The following CASKIN2 variants were observed in gnomAD, a reference collection of about 807,000 sequenced individuals.
CASKIN2 encodes CASK interacting protein 2.
In CASKIN2, 41 loss-of-function variants were observed where a neutral mutation model predicts 107.1. The ratio of observed to expected loss-of-function variants is 0.38; its 90% CI spans 0.30 to 0.50. The LOEUF (loss-of-function observed/expected upper bound fraction) is 0.50, where lower values mean the gene tolerates loss of function less well. CASKIN2 is among the 20% of genes least tolerant of loss of function. The pLI, the probability that CASKIN2 is intolerant of heterozygous loss-of-function variation, is 0.92. For synonymous variants in CASKIN2, 724 were observed against 705.6 expected, an observed-to-expected ratio of 1.03 and a Z score of -0.41; for missense variants, 1,546 against 1,657.4, an observed-to-expected ratio of 0.93 and a Z score of 1.17.
In CASKIN2 at chr17:75,506,211, G is replaced by T; in HGVS notation, c.726+94C>A. The T allele has an allele frequency of 8.9e-7, 1 of 1,117,746 alleles. No homozygotes were observed. The highest frequency in any genetic ancestry group is 1.3e-6 in the Non-Finnish European group (1 of 771,052). 69.2% of individuals were successfully genotyped at this position (1,117,746 alleles called of 1,614,324 possible). ...TTCCTGACGCCCATGCAAAAACCAC[G>T]CTGGAGTCCTCCGTCCCGTACCTCC... On this transcript the variant is annotated intron_variant, in intron 8 of 19. Transcript: ENST00000321617. This position sits in a 1 kb window ranked among gnomAD's most constrained non-coding sequence, Gnocchi z 4.8.
chr17:75,512,733 C>T (rs1194056117), intron 2 of CASKIN2, among the ~76,000 whole-genome samples: 1 of 151,940 alleles, frequency 6.6e-6, no homozygotes, highest in Non-Finnish European at 1.5e-5. Context: ...GATGGTGAAA[C>T]CCCGTCTCTA....
chr17:75,502,455 G>T lies in CASKIN2; in HGVS notation c.2619C>A (p.Pro873=). Residue 873 remains proline, a synonymous_variant, in exon 18 of 20, where the codon CCC becomes CCA. Transcript: ENST00000321617. This position sits in a 1 kb window ranked among gnomAD's most constrained non-coding sequence, Gnocchi z 4.3. ...ARRKGPPPPP[P]KRLSSVSGPS... ...GGCCAGAGACGGAGCTGAGGCGCTTGGGGGGCGGGGGCGGGGGGCCTTTGC... is the reference window on the plus strand; with the variant it reads ...GGCCAGAGACGGAGCTGAGGCGCTTTGGGGGCGGGGGCGGGGGGCCTTTGC... 2 of 1,445,118 alleles carry T rather than the reference G, an allele frequency of 1.4e-6. No individual in the cohort carries two copies. The highest frequency in any genetic ancestry group is 1.8e-6 in the Non-Finnish European group (2 of 1,094,630). 89.5% of individuals were successfully genotyped at this position (1,445,118 alleles called of 1,614,324 possible). A position where few individuals can be genotyped will look rare whatever the true frequency, so the allele number is the denominator to read the frequency against.
In CASKIN2 at chr17:75,503,163, G is replaced by C; in HGVS notation, c.1911C>G (p.Arg637=). 6.2e-7 allele frequency: 1 copy of C among 1,603,270 alleles called. No individual in the cohort carries two copies. Among genetic ancestry groups the C allele is most frequent in the Non-Finnish European group, 8.5e-7 (1 of 1,176,962 alleles). The change falls in exon 18 of 20, where the codon CGC becomes CGG. Residue 637 remains arginine, a synonymous_variant. Coordinates refer to ENST00000321617, the MANE Select transcript of CASKIN2 (RefSeq NM_020753.5). The part of the protein sequence containing the change: ...LQGEALSEGG[R]RLAKGPELMA... ...TCAGCTCCGGACCCTTGGCCAGCCG[G>C]CGCCCGCCTTCGCTGAGGGCCTCCC...
Position 75,502,203 on chromosome 17 carries a change from G to A in CASKIN2, c.2871C>T (p.Asn957=), listed in dbSNP as rs916678318. The change falls in exon 18 of 20, where the codon AAC becomes AAT. Residue 957 remains asparagine (N), a synonymous_variant. Transcript: ENST00000321617. The surrounding 1 kb of genome is among the most constrained non-coding windows in gnomAD (Gnocchi z 4.3). ...GCTTCGGGCGCTGTTTGATGGTCAGGTTCCCTTCCTCTGCAAACGGCAGCC... is the reference window on the plus strand; with the variant it reads ...GCTTCGGGCGCTGTTTGATGGTCAGATTCCCTTCCTCTGCAAACGGCAGCC... The part of the protein sequence containing the change: ...GEGLPFAEEG[N]LTIKQRPKPA... 6.3e-7 allele frequency: 1 copy of A among 1,598,058 alleles called. No homozygotes were observed. Among genetic ancestry groups the A allele is most frequent in the South Asian group, 1.1e-5 (1 of 90,624 alleles).
At chr17:75,513,497 G>A (rs1258423199) in intron 2 of CASKIN2, among the ~76,000 whole-genome samples, 3 of 152,136 alleles carry the variant, frequency 2.0e-5, no homozygotes, top group Non-Finnish European at 2.9e-5. Flanking sequence ...CCAGGAAACT[G>A]CAGCCCAGAG....
intron 19 of CASKIN2, 63 bp from the exon 20 acceptor site, chr17:75,501,233 C>T: frequency 2.8e-6 from 4 of 1,451,098 alleles, no homozygotes; most frequent in Non-Finnish European, 3.7e-6. Context: ...GGCCCTGGGG[C>T]AGGGAGCTGT....
Position 75,513,823 on chromosome 17 carries a change from C to G in CASKIN2, c.-19G>C. The G allele has an allele frequency of 6.5e-7, 1 of 1,535,660 alleles. No individual in the cohort carries two copies. Among genetic ancestry groups the G allele is most frequent in the Admixed American group, 1.8e-5 (1 of 54,778 alleles). On this transcript the variant is annotated 5_prime_UTR_variant, in exon 2 of 20. Transcript: ENST00000321617. ...GACCCATACTGGCTCCTGGGCTGAG[C>G]TCTACACTCAGGAGTCCAGGGCAAA...
Position 75,501,427 on chromosome 17 carries a change from T to C in CASKIN2, c.3518+41A>G, listed in dbSNP as rs551491948. ...GGCAGAGGATGCAGGGAGCACTGTT[T>C]CTCTGCAGCCTTCTCTCCCTCCCCA... On this transcript the variant is annotated intron_variant, in intron 19 of 19. Transcript: ENST00000321617. 2.8e-5 allele frequency: 44 copies of C among 1,573,860 alleles called. 1 individual carries two copies. In the South Asian group the frequency reaches 5.0e-4, roughly 18 times the overall value.
rs1198139366 is a variant in CASKIN2 at position 75,504,847 on chromosome 17, T to C, written c.1157A>G (p.Gln386Arg). 5 of 1,555,990 alleles carry C rather than the reference T, an allele frequency of 3.2e-6. No individual in the cohort carries two copies. The highest frequency in any genetic ancestry group is 2.5e-5 in the East Asian group (1 of 39,642). Residue 386 changes from glutamine to arginine, a missense_variant, in exon 11 of 20, where the codon CAG becomes CGG. Transcript: ENST00000321617. ...TGGGCTGAGGCCCACCCGAGGAAGC[T>C]GGCTGTAGGTAAGAGGGTGCGGGGG... ...EEPPHPLTYSQLPRVGLSPDS... is the reference protein window; with the variant it reads ...EEPPHPLTYSRLPRVGLSPDS...
Position 75,503,880 on chromosome 17 carries a change from A to T in CASKIN2, c.1550T>A (p.Val517Glu). The T allele has an allele frequency of 6.2e-7, 1 of 1,612,580 alleles. No homozygotes were observed. Among genetic ancestry groups the T allele is most frequent in the Non-Finnish European group, 8.5e-7 (1 of 1,179,868 alleles). ...TAHFLQAGYDVPTISRMTPED... is the reference protein window; with the variant it reads ...TAHFLQAGYDEPTISRMTPED... Reference sequence around the variant, plus strand: ...AGGTGTCATGCGGCTGATGGTAGGCACATCATAGCCGGCCTGCAGAAAGTG... The same window carrying T: ...AGGTGTCATGCGGCTGATGGTAGGCTCATCATAGCCGGCCTGCAGAAAGTG... Residue 517 changes from valine to glutamate, a missense_variant, in exon 15 of 20, where the codon GTG (valine) becomes GAG (glutamate). Physicochemically the swap from Val to Glu is moderately radical, Grantham distance 121. This residue lies in a region of CASKIN2 where 1,311 missense variants were observed against 1,311.0 expected (regional missense o/e 1.00). Transcript: ENST00000321617.
chr17:75,513,545 G>A (rs1374854314), intron 2 of CASKIN2, among the ~76,000 whole-genome samples, 166 bp downstream of exon 2: 1 of 152,118 alleles, frequency 6.6e-6, no homozygotes, highest in East Asian at 1.9e-4. Flanking sequence ...CAGCAAGGGG[G>A]ACCCAACTTT....
rs765945798 is a variant in CASKIN2, at chr17:75,503,692, G to A, written c.1647C>T (p.Leu549=). The change falls in exon 16 of 20, where the codon CTC becomes CTT. Residue 549 remains leucine, a synonymous_variant. Coordinates refer to ENST00000321617, the MANE Select transcript of CASKIN2 (RefSeq NM_020753.5). ...AGCTGGGCAGCCACTCGGCGATGCT[G>A]AGCTGAGCGATCTCTGAGGCGATCT... ...RKKIASEIAQ[L]SIAEWLPSYI... 34 of 1,612,306 alleles carry A rather than the reference G, an allele frequency of 2.1e-5. No individual in the cohort carries two copies. The highest frequency in any genetic ancestry group is 2.9e-5 in the Non-Finnish European group (34 of 1,180,008).
rs1248756529 is a variant in CASKIN2, at chr17:75,506,489, G to A, written c.618-76C>T. 1.3e-6 allele frequency: 2 copies of A among 1,589,274 alleles called. No individual in the cohort carries two copies. Among genetic ancestry groups the A allele is most frequent in the Non-Finnish European group, 1.7e-6 (2 of 1,165,682 alleles). The stretch of plus-strand genomic sequence containing the variant: ...GACTGCTGGGGGCCTGGGAGATGGA[G>A]AGCCCGGGTGAAAAGGGCAGTGGGG... On this transcript the variant is annotated intron_variant, in intron 7 of 19. Coordinates refer to ENST00000321617, the MANE Select transcript of CASKIN2 (RefSeq NM_020753.5). The surrounding 1 kb of genome is among the most constrained non-coding windows in gnomAD (Gnocchi z 4.8).
At chr17:75,501,242 G>A in intron 19 of CASKIN2, 72 bp from the exon 20 acceptor site, 1 of 1,387,464 alleles carries the variant, frequency 7.2e-7, no homozygotes. Flanking sequence ...GCAGGGAGCT[G>A]TCATAGCTCC....
chr17:75,504,279 T>C lies in CASKIN2; in HGVS notation c.1403A>G (p.Asn468Ser). 6 of 1,607,668 alleles carry C rather than the reference T, an allele frequency of 3.7e-6. No homozygotes were observed. In the South Asian group the frequency reaches 6.7e-5, roughly 18 times the overall value. Reference sequence around the variant, plus strand: ...GAAGATCTGCTCCCCAGAGCGGCAGTTGGCCAGAGGGCGGTGGCTCAGGTT... The same window carrying C: ...GAAGATCTGCTCCCCAGAGCGGCAGCTGGCCAGAGGGCGGTGGCTCAGGTT... The part of the protein sequence containing the change: ...ADNLSHRPLA[N>S]CRSGEQIFTQ... Residue 468 changes from asparagine (N) to serine (S), a missense_variant, in exon 14 of 20, where the codon AAC (asparagine) becomes AGC (serine). Physicochemically the swap from Asn to Ser is conservative, Grantham distance 46. Around this residue, in one of 6 missense-constraint regions of CASKIN2, gnomAD observed 1,311 missense variants for 1,311.0 expected, o/e 1.00. Transcript: ENST00000321617.
At position 75,502,481 on chromosome 17, in the gene CASKIN2, G is replaced by T. The variant is rs755968131; in HGVS notation, c.2593C>A (p.Arg865Ser). ...RSQSFALRAR[R>S]KGPPPPPPKR... is the part of the protein sequence containing the mutation. The stretch of plus-strand genomic sequence containing the variant: ...GGGGGCGGGGGCGGGGGGCCTTTGC[G>T]CCGGGCCCGCAGGGCAAAGGACTGG... Residue 865 changes from arginine (R) to serine (S), a missense_variant, in exon 18 of 20, where the codon CGC (arginine) becomes AGC (serine). Arg to Ser is a moderately radical substitution (Grantham distance 110, BLOSUM62 -1). Around this residue, in one of 6 missense-constraint regions of CASKIN2, gnomAD observed 1,311 missense variants for 1,311.0 expected, o/e 1.00. Coordinates refer to ENST00000321617, the MANE Select transcript of CASKIN2 (RefSeq NM_020753.5). The surrounding 1 kb of genome is among the most constrained non-coding windows in gnomAD (Gnocchi z 4.3). 6.9e-7 allele frequency: 1 copy of T among 1,451,086 alleles called. No homozygotes were observed. Among genetic ancestry groups the T allele is most frequent in the Non-Finnish European group, 9.1e-7 (1 of 1,097,714 alleles). 89.9% of individuals were successfully genotyped at this position (1,451,086 alleles called of 1,614,324 possible).
chr17:75,511,948 T>G (rs1448770873), intron 2 of CASKIN2, among the ~76,000 whole-genome samples: 1 of 152,046 alleles, frequency 6.6e-6, no homozygotes, highest in Admixed American at 6.5e-5. Flanking sequence ...AACACAGAGG[T>G]GACAGAAGAG....
At chr17:75,509,691 ACT>A (rs2053300834) in intron 2 of CASKIN2, 6 of 984,504 alleles carry the variant, frequency 6.1e-6, no homozygotes, top group Middle Eastern at 5.2e-4. Context: ...TCAAATGCTC[ACT>A]CTGGCTGTGT....
chr17:75,514,725 G>A (rs2053342281), intron 1 of CASKIN2, among the ~76,000 whole-genome samples: 1 of 152,200 alleles, frequency 6.6e-6, no homozygotes, highest in Admixed American at 6.5e-5. Flanking sequence ...CTTTGTGAAC[G>A]GAGAGCATGA....
Sources: gnomAD v4.1 joint callset for allele counts (sites outside exome capture counted in the v4.1 genomes callset) on GRCh38, gnomAD v4.1.1 for gene constraint, gnomAD v4.1.1 regional missense constraint, Gnocchi (gnomAD v3.1) non-coding constraint, MANE v1.5 for transcripts, NCBI Gene and HGNC (gene_info 2026-07-23, HGNC 2026-07-21) for gene names.